RUNX2: variants seen among roughly 807,000 people sequenced by gnomAD.
The protein encoded by RUNX2 is RUNX family transcription factor 2, also known as runt-related transcription factor 2.
A neutral mutation model predicts 51.7 loss-of-function variants in RUNX2; 10 were observed. The ratio of observed to expected loss-of-function variants is 0.19; its 90% CI spans 0.12 to 0.33. RUNX2 has a LOEUF of 0.33. Among genes scored for constraint, RUNX2 ranks in the 10% least tolerant of loss-of-function variants. The pLI, the probability that RUNX2 is intolerant of heterozygous loss-of-function variation, is 1.00. For missense variants in RUNX2, 562 were observed against 691.3 expected, an observed-to-expected ratio of 0.81 and a Z score of 2.10; for synonymous variants, 276 against 273.6, an observed-to-expected ratio of 1.01 and a Z score of -0.09.
chr6:45,416,551 G>A (rs1464921942), intron 2 of RUNX2, among the ~76,000 whole-genome samples: 1 of 152,156 alleles, frequency 6.6e-6, no homozygotes. Context: ...ACAGACCTCT[G>A]TAAACTTTTA....
intron 5 of RUNX2, among the ~76,000 whole-genome samples, chr6:45,489,754 C>T (rs958592407): frequency 3.3e-5 from 5 of 152,158 alleles, no homozygotes; most frequent in African/African-American, 1.2e-4. Flanking sequence ...GTGACAAGTA[C>T]TATATAATTC....
At chr6:45,348,326 A>G (rs1791303195) in intron 2 of RUNX2, among the ~76,000 whole-genome samples, 2 of 152,078 alleles carry the variant, frequency 1.3e-5, no homozygotes, top group Middle Eastern at 3.4e-3. Flanking sequence ...ATTCTAAAAA[A>G]AAATTCTCTA....
chr6:45,403,840 A>G (rs1797773203), intron 2 of RUNX2, among the ~76,000 whole-genome samples: 1 of 152,220 alleles, frequency 6.6e-6, no homozygotes, highest in African/African-American at 2.4e-5. Context: ...GTAAACTATC[A>G]GAGAAATGGA....
chr6:45,485,021 G>A (rs1344636609), intron 5 of RUNX2, among the ~76,000 whole-genome samples: 1 of 152,034 alleles, frequency 6.6e-6, no homozygotes, highest in African/African-American at 2.4e-5. Context: ...TAGAGTATTG[G>A]ACCAGACTTT....
intron 2 of RUNX2, among the ~76,000 whole-genome samples, chr6:45,378,581 G>T (rs1322543090): frequency 6.6e-6 from 1 of 151,320 alleles, no homozygotes; most frequent in African/African-American, 2.4e-5. Flanking sequence ...TGCTATTAAT[G>T]TTTTTTCCCC....
chr6:45,490,478 T>TTTGGGCTG (rs751320825), intron 5 of RUNX2, among the ~76,000 whole-genome samples: 34 of 152,274 alleles, frequency 2.2e-4, no homozygotes, highest in Non-Finnish European at 4.9e-4. Flanking sequence ...ATCTGTTTTC[T>TTTGGGCTG]TTGGGCTGGG....
At chr6:45,448,581 TG>T (rs1487362919) in intron 5 of RUNX2, among the ~76,000 whole-genome samples, 1 of 152,074 alleles carries the variant, frequency 6.6e-6, no homozygotes, top group African/African-American at 2.4e-5. Context: ...TTCCTGGGGT[TG>T]TGCAGTAGTT....
intron 2 of RUNX2, among the ~76,000 whole-genome samples, chr6:45,413,429 CTTTTTTT>C (rs67659911): frequency 7.1e-5 from 4 of 56,586 alleles, no homozygotes; most frequent in African/African-American, 3.1e-4. Flanking sequence ...AAGATACATT[CTTTTTTT>C]TTTTTTTTTT....
chr6:45,526,660 C>T (rs1365769344), intron 7 of RUNX2, among the ~76,000 whole-genome samples: 1 of 152,186 alleles, frequency 6.6e-6, no homozygotes, highest in Non-Finnish European at 1.5e-5. Flanking sequence ...CACCGTTCTG[C>T]CCACTGGAGA....
intron 6 of RUNX2, among the ~76,000 whole-genome samples, chr6:45,508,070 T>A (rs1801025920): frequency 6.6e-6 from 1 of 152,156 alleles, no homozygotes; most frequent in African/African-American, 2.4e-5. Flanking sequence ...GAGCTTGGAT[T>A]GGTAATCACT....
In RUNX2 at chr6:45,389,732, C is replaced by T. The variant is rs112477698; in HGVS notation, c.59-32861C>T. Among the ~76,000 whole-genome samples the T allele has an allele frequency of 5.1e-3, 783 of 152,164 alleles. 10 individuals are homozygous for T. Among genetic ancestry groups the T allele is most frequent in the Non-Finnish European group, 4.5e-3 (309 of 68,010 alleles). On this transcript the variant is annotated intron_variant, in intron 2 of 8. Coordinates refer to ENST00000647337, the MANE Select transcript of RUNX2 (RefSeq NM_001024630.4). ...GCAGAATTAGAACATATTGGCAGGC[C>T]GGGCATGGTGGCTCATGCCTGTAAT...
At chr6:45,351,213 C>T (rs922613880) in intron 2 of RUNX2, among the ~76,000 whole-genome samples, 1 of 152,060 alleles carries the variant, frequency 6.6e-6, no homozygotes, top group Non-Finnish European at 1.5e-5. Flanking sequence ...AAATTATGCT[C>T]TAAATTAGTG....
chr6:45,387,264 C>T (rs940390740), intron 2 of RUNX2, among the ~76,000 whole-genome samples: 7 of 152,178 alleles, frequency 4.6e-5, no homozygotes, highest in Admixed American at 2.6e-4. Context: ...TACAAAATCT[C>T]AGTGGCTATG....
intron 2 of RUNX2, among the ~76,000 whole-genome samples, chr6:45,367,041 C>T (rs1342824731): frequency 6.6e-6 from 1 of 152,118 alleles, no homozygotes; most frequent in Non-Finnish European, 1.5e-5. Context: ...AAGGGCTGGG[C>T]CCCACGAAAG....
chr6:45,485,294 C>T (rs1800239823), intron 5 of RUNX2, among the ~76,000 whole-genome samples: 1 of 151,524 alleles, frequency 6.6e-6, no homozygotes. Context: ...CCTCTGCCTC[C>T]TGTGTTCAAG....
chr6:45,355,371 A>C (rs1359939139), intron 2 of RUNX2, among the ~76,000 whole-genome samples: 1 of 152,034 alleles, frequency 6.6e-6, no homozygotes, highest in African/African-American at 2.4e-5. Context: ...TGTCTCTATG[A>C]GGAAGTATAA....
chr6:45,412,280 T>G (rs952556392), intron 2 of RUNX2, among the ~76,000 whole-genome samples: 18 of 151,738 alleles, frequency 1.2e-4, no homozygotes, highest in African/African-American at 3.9e-4. Context: ...TACCTGAGAC[T>G]GACAGTTTGA....
chr6:45,507,787 G>A (rs543273745), intron 6 of RUNX2, among the ~76,000 whole-genome samples: 1 of 152,240 alleles, frequency 6.6e-6, no homozygotes, highest in East Asian at 1.9e-4. Context: ...TGAACTACAC[G>A]GTACAGGAAG....
chr6:45,491,793 GA>G, intron 5 of RUNX2, 147 bp from the exon 6 acceptor site: 9 of 832,312 alleles, frequency 1.1e-5, no homozygotes, highest in Non-Finnish European at 1.8e-5. Flanking sequence ...ATTTGAAATG[GA>G]AGGCATTATG....
Sources: allele counts gnomAD v4.1 joint callset (sites outside exome capture counted in the v4.1 genomes callset), GRCh38; gene constraint gnomAD v4.1.1; transcripts MANE v1.5; gene names NCBI Gene and HGNC (gene_info 2026-07-23, HGNC 2026-07-21).